Variants in MYO7A observed in about 807,000 individuals in gnomAD.
MYO7A encodes unconventional myosin-VIIa.
MYO7A carries 210 observed loss-of-function variants against 263.8 expected under a neutral mutation model. The observed-to-expected ratio is 0.80, with a 90% CI of 0.71 to 0.89. The LOEUF is 0.89. MYO7A is among the 40% of genes least tolerant of loss of function. The probability of loss-of-function intolerance (pLI) is 0.00; values close to 1 mark genes in which losing one functional copy is unlikely to be tolerated. For missense variants in MYO7A, 2,820 were observed against 2,968.3 expected (o/e 0.95, Z 1.16); for synonymous variants, 1,239 against 1,197.3 (o/e 1.03, Z -0.72).
At chr11:77,153,565 C>T (rs952914895) in intron 4 of MYO7A, among the ~76,000 whole-genome samples, 13 of 152,134 alleles carry the variant, frequency 8.5e-5, no homozygotes, top group African/African-American at 1.9e-4. Flanking sequence ...CTGGACTTCC[C>T]GTGCCTTGCA....
Position 77,182,430 on chromosome 11 carries a change from C to T in MYO7A, c.3115C>T (p.Leu1039=), listed in dbSNP as rs1955317664. 6.2e-7 allele frequency: 1 copy of T among 1,612,424 alleles called. No homozygotes were observed. The highest frequency in any genetic ancestry group is 8.5e-7 in the Non-Finnish European group (1 of 1,179,346). Residue 1039 remains leucine (L), a synonymous_variant, in exon 25 of 49, where the codon CTG becomes TTG. Transcript: ENST00000409709. The part of the protein sequence containing the change: ...HDDEGDQLAA[L]AVWITILRFM... The stretch of plus-strand genomic sequence containing the variant: ...CATGCGCGCTCTGCCCCAGGCAGCC[C>T]TGGCGGTCTGGATCACCATCCTCCG...
intron 15 of MYO7A, among the ~76,000 whole-genome samples, chr11:77,172,024 G>A (rs1954140839): frequency 6.6e-6 from 1 of 152,336 alleles, no homozygotes; most frequent in East Asian, 1.9e-4. Context: ...GCCTTCTTAG[G>A]AGGATTAGCC....
rs1018582960 is a variant in MYO7A at position 77,206,080 on chromosome 11, C to T, written c.5637-17C>T. The T allele has an allele frequency of 1.3e-6, 2 of 1,595,802 alleles. No individual in the cohort carries two copies. The highest frequency in any genetic ancestry group is 2.3e-5 in the East Asian group (1 of 43,944). The stretch of plus-strand genomic sequence containing the variant: ...GTCCCACGCACATGCCCCCTGCTGC[C>T]CCTGCTGCCTTTTCAGAAACGGGTC... On this transcript the variant is annotated splice_polypyrimidine_tract_variant and intron_variant, in intron 40 of 48. Transcript: ENST00000409709.
chr11:77,166,025 G>A, intron 14 of MYO7A, 31 bp from the exon 15 acceptor site: 1 of 1,554,112 alleles, frequency 6.4e-7, no homozygotes, highest in Non-Finnish European at 8.9e-7. Context: ...GCCAGAGCTG[G>A]TGAGAGGTGA....
intron 46 of MYO7A, 80 bp from the exon 47 acceptor site, chr11:77,212,872 G>T: frequency 1.7e-6 from 2 of 1,155,094 alleles, no homozygotes; most frequent in Middle Eastern, 1.9e-4. Flanking sequence ...TATCCCAGCT[G>T]GGGCCAGGCT....
chr11:77,162,060 G>T lies in MYO7A; in HGVS notation c.1344-60G>T, dbSNP rs1215017719. 6.1e-6 allele frequency: 9 copies of T among 1,480,508 alleles called. No homozygotes were observed. In the African/African-American group the frequency reaches 8.4e-5, roughly 14 times the overall value. 91.7% of individuals were successfully genotyped at this position (1,480,508 alleles called of 1,614,324 possible). ...ATGCTGCAGGTGGAGGCAGAGCCAG[G>T]CCCTGAACAGCATGGTGGGGCCTGA... On this transcript the variant is annotated intron_variant, in intron 12 of 48. Coordinates refer to ENST00000409709, the MANE Select transcript of MYO7A (RefSeq NM_000260.4).
At chr11:77,200,227 T>G (rs542061800) in intron 35 of MYO7A, among the ~76,000 whole-genome samples, 12 of 151,662 alleles carry the variant, frequency 7.9e-5, no homozygotes, top group Non-Finnish European at 1.6e-4. Flanking sequence ...GCCATGATTG[T>G]GCCACTGCAG....
At chr11:77,145,633 C>T (rs1439113615) in intron 3 of MYO7A, among the ~76,000 whole-genome samples, 1 of 152,270 alleles carries the variant, frequency 6.6e-6, no homozygotes, top group Middle Eastern at 3.4e-3. Context: ...AAATAGGGTG[C>T]CTGGGAGAGA....
At chr11:77,160,883 G>A (rs1396665385) in intron 11 of MYO7A, 90 bp from the exon 12 acceptor site, 19 of 1,461,662 alleles carry the variant, frequency 1.3e-5, no homozygotes, top group Non-Finnish European at 1.5e-5. Context: ...CCACACAAGG[G>A]CTGGAGCGAC....
chr11:77,179,152 C>T (rs1057479684), intron 20 of MYO7A, 23 bp downstream of exon 20: 5 of 1,572,058 alleles, frequency 3.2e-6, no homozygotes, highest in African/African-American at 2.7e-5. Context: ...ATGGGCTGCT[C>T]TTGCCCAAAC....
chr11:77,146,235 C>G (rs560836699), intron 3 of MYO7A, among the ~76,000 whole-genome samples: 1 of 152,130 alleles, frequency 6.6e-6, no homozygotes, highest in East Asian at 1.9e-4. Flanking sequence ...TAGGATGTAC[C>G]GGGGGTAGCT....
intron 5 of MYO7A, 30 bp from the exon 6 acceptor site, chr11:77,156,630 G>GAC (rs1555062345): frequency 6.2e-7 from 1 of 1,611,014 alleles, no homozygotes; most frequent in East Asian, 2.2e-5. Flanking sequence ...TGTGGGTTGT[G>GAC]ACAGGTCCTG....
chr11:77,158,490 G>A (rs901312339), intron 9 of MYO7A, 60 bp downstream of exon 9: 4 of 1,554,340 alleles, frequency 2.6e-6, no homozygotes, highest in African/African-American at 1.4e-5. Flanking sequence ...GCAGTGCCTT[G>A]CTGCCCACGT....
At chr11:77,159,172 G>A (rs1238607012) in intron 9 of MYO7A, among the ~76,000 whole-genome samples, 1 of 152,238 alleles carries the variant, frequency 6.6e-6, no homozygotes, top group Non-Finnish European at 1.5e-5. Context: ...TGGGGAGAGA[G>A]CTGCAATGGC....
intron 10 of MYO7A, 39 bp downstream of exon 10, chr11:77,159,562 C>A (rs1555067002): frequency 6.3e-7 from 1 of 1,590,448 alleles, no homozygotes; most frequent in South Asian, 1.1e-5. Context: ...GACTTCTGTC[C>A]CTCTGAAGGG....
intron 1 of MYO7A, among the ~76,000 whole-genome samples, chr11:77,129,878 T>G (rs1190844899): frequency 6.6e-6 from 1 of 152,116 alleles, no homozygotes; most frequent in Non-Finnish European, 1.5e-5. Flanking sequence ...TCACTGAGGA[T>G]GTCCAAGTAT....
chr11:77,141,341 C>G (rs1951195511), intron 2 of MYO7A, among the ~76,000 whole-genome samples: 1 of 152,198 alleles, frequency 6.6e-6, no homozygotes, highest in African/African-American at 2.4e-5. Context: ...AGCGACTCAC[C>G]CAAGGCCGGG....
intron 2 of MYO7A, among the ~76,000 whole-genome samples, chr11:77,132,616 G>A (rs1199705739): frequency 1.3e-5 from 2 of 152,094 alleles, no homozygotes; most frequent in African/African-American, 4.8e-5. Flanking sequence ...AGCCTCCTGA[G>A]TAGCTGGGAT....
chr11:77,162,915 C>G lies in MYO7A; in HGVS notation c.1617C>G (p.Ile539Met), dbSNP rs782450807. ...AGCACAAGCTCAACGCCAACTACAT[C>G]CCCCCCAAGAACAACCATGAGACCC... ...NSQHKLNANY[I>M]PPKNNHETQF... Residue 539 changes from isoleucine to methionine, a missense_variant, in exon 14 of 49, where the codon ATC becomes ATG. By Grantham distance (10) the Ile-to-Met change is conservative. Transcript: ENST00000409709. The G allele has an allele frequency of 2.5e-6, 4 of 1,613,628 alleles. No homozygotes were observed. The highest frequency in any genetic ancestry group is 3.4e-6 in the Non-Finnish European group (4 of 1,179,756).
Sources: gnomAD v4.1 joint callset for allele counts (sites outside exome capture counted in the v4.1 genomes callset) on GRCh38, gnomAD v4.1.1 for gene constraint, MANE v1.5 for transcripts, NCBI Gene and HGNC (gene_info 2026-07-23, HGNC 2026-07-21) for gene names.